The following TDRD5 variants were observed in gnomAD, a reference collection of about 807,000 sequenced individuals.
TDRD5 encodes the protein tudor domain-containing protein 5.
A neutral mutation model predicts 120.6 loss-of-function variants in TDRD5; 41 were observed. That is an observed-to-expected ratio of 0.34 (90% CI 0.26 to 0.44). TDRD5 has a LOEUF of 0.44. TDRD5 is among the 20% of genes least tolerant of loss of function. The probability of loss-of-function intolerance (pLI) is 1.00; values close to 1 mark genes in which losing one functional copy is unlikely to be tolerated. For synonymous variants in TDRD5, 430 were observed against 433.7 expected (o/e 0.99, Z 0.11); for missense variants, 1,006 against 1,221.2 (o/e 0.82, Z 2.63).
chr1:179,639,763 G>A (rs1677943384), intron 9 of TDRD5, 76 bp from the exon 10 acceptor site: 8 of 1,496,156 alleles, frequency 5.3e-6, no homozygotes, highest in Non-Finnish European at 7.3e-6. Context: ...AAGACTTTCT[G>A]GCTTGATACA....
At chr1:179,660,460 T>C (rs1203267549) in intron 14 of TDRD5, among the ~76,000 whole-genome samples, 3 of 152,056 alleles carry the variant, frequency 2.0e-5, no homozygotes, top group Non-Finnish European at 4.4e-5. Context: ...GACCTCATGA[T>C]CCGCCCACCT....
Position 179,651,958 on chromosome 1 carries a change from T to A in TDRD5, c.2002-81T>A, listed in dbSNP as rs879164648. 34 of 1,424,334 alleles carry A rather than the reference T, an allele frequency of 2.4e-5. No individual in the cohort carries two copies. In the South Asian group the frequency reaches 4.1e-4, roughly 17 times the overall value. The allele number at this position is 1,424,334 out of a possible 1,614,324, so 88.2% of individuals were successfully genotyped here. Reference sequence around the variant, plus strand: ...GGAAGATAATATACTTCCATAGCATTTGAAAGTTATTAAGTGCTTTCTCGC... The same window carrying A: ...GGAAGATAATATACTTCCATAGCATATGAAAGTTATTAAGTGCTTTCTCGC... On this transcript the variant is annotated intron_variant, in intron 12 of 17. Transcript: ENST00000444136.
At chr1:179,612,457 T>C (rs1332991079) in intron 4 of TDRD5, among the ~76,000 whole-genome samples, 3 of 152,178 alleles carry the variant, frequency 2.0e-5, no homozygotes, top group Non-Finnish European at 4.4e-5. Flanking sequence ...AGCTATATTT[T>C]CTAGTGGGTG....
chr1:179,625,310 G>C (rs2101983841), intron 6 of TDRD5, among the ~76,000 whole-genome samples: 1 of 152,200 alleles, frequency 6.6e-6, no homozygotes, highest in East Asian at 1.9e-4. Context: ...TCAGTTAAAA[G>C]AAAACTGATA....
chr1:179,640,877 T>G (rs1371373703), intron 11 of TDRD5, among the ~76,000 whole-genome samples: 8 of 152,164 alleles, frequency 5.3e-5, no homozygotes, highest in African/African-American at 1.9e-4. Flanking sequence ...GTCAAAGAAA[T>G]AGGAGCCTAA....
Position 179,639,997 on chromosome 1 carries a change from A to G in TDRD5, c.1679A>G (p.Tyr560Cys), listed in dbSNP as rs375305309. ...GAGAAACAGGAAGTTGAAGTGTTCT[A>G]CCCAGACTTTGGAAATATTGGAATT... Reference protein sequence around the residue: ...VLEKQEVEVFYPDFGNIGIVQ... With the variant: ...VLEKQEVEVFCPDFGNIGIVQ... Residue 560 changes from tyrosine (Y) to cysteine (C), a missense_variant, in exon 10 of 18, where the codon TAC (tyrosine) becomes TGC (cysteine). Physicochemically the swap from Tyr to Cys is radical, Grantham distance 194 (BLOSUM62 -2). Coordinates refer to ENST00000444136, the MANE Select transcript of TDRD5 (RefSeq NM_001199085.3). 6 of 1,614,142 alleles carry G rather than the reference A, an allele frequency of 3.7e-6. No homozygotes were observed. Among genetic ancestry groups the G allele is most frequent in the Middle Eastern group, 1.6e-4 (1 of 6,062 alleles).
At chr1:179,607,829 CA>C (rs1558375453) in intron 4 of TDRD5, among the ~76,000 whole-genome samples, 1 of 151,716 alleles carries the variant, frequency 6.6e-6, no homozygotes, top group African/African-American at 2.4e-5. Flanking sequence ...ACATAAAAGT[CA>C]AATTTTAAGA....
chr1:179,637,433 A>G (rs1677821468), intron 9 of TDRD5, among the ~76,000 whole-genome samples: 1 of 152,174 alleles, frequency 6.6e-6, no homozygotes, highest in African/African-American at 2.4e-5. Context: ...CATAGCCCAA[A>G]TGTTAGCTGC....
intron 15 of TDRD5, 123 bp from the exon 16 acceptor site, chr1:179,663,225 A>C: frequency 8.6e-7 from 1 of 1,165,790 alleles, no homozygotes; most frequent in African/African-American, 1.6e-5. Flanking sequence ...TGATATAGAA[A>C]GTTAATAAAT....
intron 11 of TDRD5, among the ~76,000 whole-genome samples, chr1:179,645,216 G>A (rs1467162124): frequency 2.7e-5 from 4 of 147,732 alleles, no homozygotes; most frequent in African/African-American, 9.9e-5. Context: ...CTCCCAAGTA[G>A]CTGGGACTAC....
At chr1:179,685,268 C>T (rs935793679) in intron 17 of TDRD5, among the ~76,000 whole-genome samples, 1 of 152,134 alleles carries the variant, frequency 6.6e-6, no homozygotes, top group African/African-American at 2.4e-5. Flanking sequence ...ATATGGCTAG[C>T]CAGTTTTCCC....
intron 17 of TDRD5, among the ~76,000 whole-genome samples, chr1:179,689,225 G>A (rs4342813): frequency 0.33 from 50,578 of 151,998 alleles, 8,626 homozygotes; most frequent in Admixed American, 0.41. Flanking sequence ...GTACAGATGG[G>A]GTTTTGGTGT....
At chr1:179,682,764 G>A (rs1680494762) in intron 17 of TDRD5, among the ~76,000 whole-genome samples, 2 of 151,758 alleles carry the variant, frequency 1.3e-5, no homozygotes, top group South Asian at 4.2e-4. Context: ...GTCTGGTTTG[G>A]CTCTGCTATT....
At chr1:179,638,153 G>GTA (rs1292450141) in intron 9 of TDRD5, among the ~76,000 whole-genome samples, 2 of 133,140 alleles carry the variant, frequency 1.5e-5, no homozygotes, top group African/African-American at 2.7e-5. Context: ...AATACCATGG[G>GTA]AAGATGTTTT....
chr1:179,647,464 A>G (rs1198275144), intron 11 of TDRD5, among the ~76,000 whole-genome samples: 1 of 152,150 alleles, frequency 6.6e-6, no homozygotes, highest in Non-Finnish European at 1.5e-5. Context: ...GGTGGATTAA[A>G]GACTTAAACG....
chr1:179,649,577 T>C (rs183490946), intron 11 of TDRD5, among the ~76,000 whole-genome samples: 1 of 152,332 alleles, frequency 6.6e-6, no homozygotes. Flanking sequence ...TAAAACTTCT[T>C]AGTTCTGCTA....
chr1:179,602,371 T>G (rs1252287282), intron 4 of TDRD5, among the ~76,000 whole-genome samples: 1 of 152,236 alleles, frequency 6.6e-6, no homozygotes, highest in Non-Finnish European at 1.5e-5. Flanking sequence ...GAATTGTCAA[T>G]TCATGTCCTT....
intron 4 of TDRD5, among the ~76,000 whole-genome samples, chr1:179,616,689 T>G (rs1344082047): frequency 6.6e-6 from 1 of 152,178 alleles, no homozygotes; most frequent in Non-Finnish European, 1.5e-5. Flanking sequence ...GCAAACTATT[T>G]TATTCAATTT....
chr1:179,629,635 C>G (rs957873514), intron 6 of TDRD5, among the ~76,000 whole-genome samples: 9 of 151,982 alleles, frequency 5.9e-5, no homozygotes, highest in African/African-American at 2.2e-4. Flanking sequence ...ACAATAGATG[C>G]AAAATATGAA....
Sources: gnomAD v4.1 joint callset for allele counts (sites outside exome capture counted in the v4.1 genomes callset) on GRCh38, gnomAD v4.1.1 for gene constraint, MANE v1.5 for transcripts, NCBI Gene and HGNC (gene_info 2026-07-23, HGNC 2026-07-21) for gene names.